CADM2: variants seen among roughly 807,000 people sequenced by gnomAD.
CADM2 encodes the protein immunoglobulin superfamily member 4D.
A neutral mutation model predicts 49.8 loss-of-function variants in CADM2; 12 were observed. The ratio of observed to expected loss-of-function variants is 0.24; its 90% CI spans 0.15 to 0.39. The LOEUF is 0.39. Among genes scored for constraint, CADM2 ranks in the 10% least tolerant of loss-of-function variants. The pLI is 1.00. For missense variants in CADM2, 378 were observed against 492.3 expected (o/e 0.77, Z 2.20); for synonymous variants, 214 against 175.4 (o/e 1.22, Z -1.74).
chr3:85,761,700 A>G (rs995179414), intron 2 of CADM2, among the ~76,000 whole-genome samples: 1 of 152,276 alleles, frequency 6.6e-6, no homozygotes, highest in South Asian at 2.1e-4. Context: ...ATAGATACTG[A>G]CTTTACACTA....
chr3:85,530,932 A>G (rs77624890), intron 1 of CADM2, among the ~76,000 whole-genome samples: 1 of 149,768 alleles, frequency 6.7e-6, no homozygotes, highest in African/African-American at 2.5e-5. Flanking sequence ...TTATTGTGGA[A>G]TGTCAGGGGG....
chr3:85,157,134 T>C (rs576781281), intron 1 of CADM2, among the ~76,000 whole-genome samples: 5 of 152,036 alleles, frequency 3.3e-5, no homozygotes, highest in African/African-American at 1.2e-4. Flanking sequence ...ACTTACAAGG[T>C]ATGTGAAGGA....
At chr3:85,229,395 G>T (rs143174371) in intron 1 of CADM2, among the ~76,000 whole-genome samples, 1 of 152,102 alleles carries the variant, frequency 6.6e-6, no homozygotes, top group Admixed American at 6.5e-5. Flanking sequence ...GAAATCTCCC[G>T]ACCCCTTGTG....
chr3:85,262,408 C>T (rs1198535711), intron 1 of CADM2, among the ~76,000 whole-genome samples: 1 of 151,988 alleles, frequency 6.6e-6, no homozygotes, highest in East Asian at 1.9e-4. Flanking sequence ...AAAGCAAGGA[C>T]AGATGAAACC....
At chr3:85,590,118 T>G (rs2063063444) in intron 1 of CADM2, among the ~76,000 whole-genome samples, 1 of 151,978 alleles carries the variant, frequency 6.6e-6, no homozygotes, top group African/African-American at 2.4e-5. Context: ...ATAGTTCACA[T>G]GTAGAGAAGT....
chr3:85,997,101 G>A (rs995682470), intron 8 of CADM2, among the ~76,000 whole-genome samples: 19 of 152,190 alleles, frequency 1.2e-4, no homozygotes, highest in South Asian at 4.2e-4. Flanking sequence ...TCATCTCTCC[G>A]TGCAGTTTGG....
At chr3:85,686,506 A>G (rs947567086) in intron 1 of CADM2, among the ~76,000 whole-genome samples, 9 of 152,234 alleles carry the variant, frequency 5.9e-5, no homozygotes, top group African/African-American at 2.2e-4. Flanking sequence ...AGAAGAATTA[A>G]TATTAGAGGA....
At chr3:85,389,614 GT>G (rs2034422263) in intron 1 of CADM2, among the ~76,000 whole-genome samples, 1 of 152,058 alleles carries the variant, frequency 6.6e-6, no homozygotes, top group South Asian at 2.1e-4. Context: ...TACCACTCAT[GT>G]CCTTCTTTTG....
At chr3:85,701,975 G>C (rs11922875) in intron 1 of CADM2, among the ~76,000 whole-genome samples, 1 of 45,760 alleles carries the variant, frequency 2.2e-5, no homozygotes, top group Non-Finnish European at 4.8e-5. Flanking sequence ...GATAGACATA[G>C]ATAGATAGAT....
intron 1 of CADM2, among the ~76,000 whole-genome samples, chr3:85,390,529 G>A (rs1461910598): frequency 1.3e-5 from 2 of 151,924 alleles, no homozygotes; most frequent in African/African-American, 4.8e-5. Context: ...TCTAGGTGTA[G>A]GAGGTCAGGC....
At chr3:85,179,773 T>G (rs568975514) in intron 1 of CADM2, among the ~76,000 whole-genome samples, 1 of 152,214 alleles carries the variant, frequency 6.6e-6, no homozygotes, top group South Asian at 2.1e-4. Context: ...ACAACTAAAT[T>G]TAGTTTATTA....
At chr3:85,217,173 G>A (rs555556402) in intron 1 of CADM2, among the ~76,000 whole-genome samples, 1 of 151,716 alleles carries the variant, frequency 6.6e-6, no homozygotes, top group Admixed American at 6.6e-5. Flanking sequence ...TTTACCTATG[G>A]AAATATCTTT....
chr3:85,373,233 A>C (rs1486692132), intron 1 of CADM2, among the ~76,000 whole-genome samples: 1 of 152,154 alleles, frequency 6.6e-6, no homozygotes, highest in Non-Finnish European at 1.5e-5. Flanking sequence ...AAATACACCC[A>C]TTCCAAATGG....
intron 1 of CADM2, among the ~76,000 whole-genome samples, chr3:85,260,999 T>C (rs1171451926): frequency 1.3e-5 from 2 of 152,128 alleles, no homozygotes; most frequent in African/African-American, 4.8e-5. Context: ...TTGTGATTTT[T>C]TTCATTTTTG....
Position 86,002,610 on chromosome 3 carries a change from A to G in CADM2, c.970+40963A>G, listed in dbSNP as rs551129965. Among the ~76,000 whole-genome samples, 5 of 152,300 alleles carry G rather than the reference A, an allele frequency of 3.3e-5. No homozygotes were observed. In the East Asian group the frequency reaches 5.8e-4, roughly 18 times the overall value. Reference sequence around the variant, plus strand: ...TACCTGGGAAACTTTCTAAAATTAAATTCCCTAAGTTTAATATTTATGCTA... The same window carrying G: ...TACCTGGGAAACTTTCTAAAATTAAGTTCCCTAAGTTTAATATTTATGCTA... On this transcript the variant is annotated intron_variant, in intron 8 of 9. Coordinates refer to ENST00000383699, the MANE Select transcript of CADM2 (RefSeq NM_001167675.2).
intron 1 of CADM2, among the ~76,000 whole-genome samples, chr3:85,382,369 T>A (rs2033956822): frequency 6.6e-6 from 1 of 152,062 alleles, no homozygotes; most frequent in Non-Finnish European, 1.5e-5. Flanking sequence ...GTGGGCACGC[T>A]CCTTAGATAG....
At chr3:85,493,934 T>C (rs987452697) in intron 1 of CADM2, among the ~76,000 whole-genome samples, 1 of 152,212 alleles carries the variant, frequency 6.6e-6, no homozygotes, top group Non-Finnish European at 1.5e-5. Context: ...TATGACATAT[T>C]TTATTTCATG....
intron 1 of CADM2, among the ~76,000 whole-genome samples, chr3:85,118,263 T>C (rs924158841): frequency 1.5e-5 from 2 of 136,740 alleles, no homozygotes; most frequent in African/African-American, 4.9e-5. Context: ...TTAAATAAAA[T>C]TGATATATTA....
chr3:85,126,836 G>A (rs1019206423), intron 1 of CADM2, among the ~76,000 whole-genome samples: 72 of 152,140 alleles, frequency 4.7e-4, no homozygotes, highest in African/African-American at 1.7e-3. Context: ...TTTTAGGTGG[G>A]AGAATCATAT....
Sources: gnomAD v4.1 joint callset for allele counts (sites outside exome capture counted in the v4.1 genomes callset) on GRCh38, gnomAD v4.1.1 for gene constraint, MANE v1.5 for transcripts, NCBI Gene and HGNC (gene_info 2026-07-23, HGNC 2026-07-21) for gene names.